The following AMMECR1 variants were observed in gnomAD, a reference collection of about 807,000 sequenced individuals.
AMMECR1 encodes nuclear protein AMMECR1.
Under a neutral mutation model 22.5 loss-of-function variants are expected in AMMECR1, and 3 were observed. The observed-to-expected ratio is 0.13, with a 90% CI of 0.06 to 0.35. The LOEUF is 0.35. Among genes scored for constraint, AMMECR1 ranks in the 10% least tolerant of loss-of-function variants. AMMECR1 has a pLI of 1.00. For synonymous variants in AMMECR1, 130 were observed against 116.7 expected, an observed-to-expected ratio of 1.11 and a Z score of -0.74; for missense variants, 235 against 278.7, an observed-to-expected ratio of 0.84 and a Z score of 1.12.
rs142566304 is a variant in AMMECR1 at position 110,276,263 on chromosome X, C to T, written c.474-11664G>A. 1.9e-3 allele frequency among the ~76,000 whole-genome samples: 216 copies of T among 111,978 alleles called. 1 individual carries two copies. The highest frequency in any genetic ancestry group is 6.7e-3 in the African/African-American group (208 of 30,869). ...TATATGTCTTTCACTTCTTTACTCA[C>T]TATATTCATGTTTTCCTTTCAATCC... On this transcript the variant is annotated intron_variant, in intron 1 of 5. Transcript: ENST00000262844.
intron 2 of AMMECR1, among the ~76,000 whole-genome samples, chrX:110,420,542 G>A (rs1306320772): frequency 8.9e-6 from 1 of 112,111 alleles, no homozygotes; most frequent in Non-Finnish European, 1.9e-5. Flanking sequence ...GCTTGATCCA[G>A]AAGGTTTCAT....
Position 110,197,886 on chromosome X carries a change from A to G in AMMECR1, c.*634T>C, listed in dbSNP as rs1272804527. 8.9e-6 allele frequency: 1 copy of G among 112,195 alleles called. No individual in the cohort carries two copies. Among genetic ancestry groups the G allele is most frequent in the Non-Finnish European group, 1.9e-5 (1 of 53,187 alleles). 9.2% of individuals were successfully genotyped at this position (112,195 alleles called of 1,213,427 possible). A position where few individuals can be genotyped will look rare whatever the true frequency, so the allele number is the denominator to read the frequency against. On this transcript the variant is annotated 3_prime_UTR_variant, in exon 6 of 6. Coordinates refer to ENST00000262844, the MANE Select transcript of AMMECR1 (RefSeq NM_015365.3). Reference sequence around the variant, plus strand: ...TTTGAATGCTCACTACTAGAACTAAAGTTCATGTATTTTCACCATGGGAAA... The same window carrying G: ...TTTGAATGCTCACTACTAGAACTAAGGTTCATGTATTTTCACCATGGGAAA...
intron 2 of AMMECR1, among the ~76,000 whole-genome samples, chrX:110,334,017 G>A (rs760154576): frequency 2.1e-4 from 23 of 111,471 alleles, no homozygotes; most frequent in Non-Finnish European, 4.1e-4. Context: ...GTTGTTGTCT[G>A]GTAGGAGTTC....
At chrX:110,315,949 T>G (rs944726103) in intron 1 of AMMECR1, among the ~76,000 whole-genome samples, 23 of 112,792 alleles carry the variant, frequency 2.0e-4, no homozygotes, top group Admixed American at 9.4e-5. Context: ...AAATGAATTT[T>G]ACTTCTTAAC....
chrX:110,383,761 A>G (rs2068436018), intron 2 of AMMECR1, among the ~76,000 whole-genome samples: 1 of 111,888 alleles, frequency 8.9e-6, no homozygotes. Context: ...GATAGAATTA[A>G]TTAATCGTCC....
chrX:110,223,311 T>C, intron 2 of AMMECR1, among the ~76,000 whole-genome samples: 2 of 112,686 alleles, frequency 1.8e-5, no homozygotes, highest in Middle Eastern at 4.6e-3. Context: ...TTTGTTTAAA[T>C]TATGTTTTTC....
chrX:110,286,293 T>C (rs978370433), intron 1 of AMMECR1, among the ~76,000 whole-genome samples: 5 of 111,413 alleles, frequency 4.5e-5, no homozygotes, highest in African/African-American at 9.8e-5. Flanking sequence ...AAGAACTGCA[T>C]AGAGTTTCAC....
intron 2 of AMMECR1, among the ~76,000 whole-genome samples, chrX:110,407,218 T>C (rs2068608977): frequency 1.8e-5 from 2 of 112,375 alleles, no homozygotes; most frequent in African/African-American, 6.5e-5. Context: ...AAAGATTTTC[T>C]TTGTGGAATG....
intron 1 of AMMECR1, among the ~76,000 whole-genome samples, chrX:110,286,016 A>G (rs1172234878): frequency 1.8e-5 from 2 of 112,145 alleles, no homozygotes; most frequent in South Asian, 7.5e-4. Flanking sequence ...TGGGAGCAAA[A>G]TCAGAGACTG....
chrX:110,367,973 AATTATTATTATTATTATT>A (rs201193443), intron 2 of AMMECR1, among the ~76,000 whole-genome samples: 6 of 85,326 alleles, frequency 7.0e-5, no homozygotes, highest in South Asian at 6.2e-4. Context: ...AGTGCTGGCT[AATTATTATTATTATTATT>A]ATTATTATTA....
intron 2 of AMMECR1, among the ~76,000 whole-genome samples, chrX:110,357,576 A>G (rs747761776): frequency 1.8e-5 from 2 of 112,232 alleles, no homozygotes; most frequent in Non-Finnish European, 3.8e-5. Flanking sequence ...TTTAAATAGT[A>G]TTAGATCTTT....
chrX:110,295,568 G>A (rs1198995703), intron 1 of AMMECR1, among the ~76,000 whole-genome samples: 1 of 111,667 alleles, frequency 9.0e-6, no homozygotes, highest in African/African-American at 3.2e-5. Flanking sequence ...CAATATACTT[G>A]TACATGTTTA....
At chrX:110,343,877 A>G (rs1156673387) in intron 2 of AMMECR1, among the ~76,000 whole-genome samples, 1 of 111,781 alleles carries the variant, frequency 8.9e-6, no homozygotes, top group Non-Finnish European at 1.9e-5. Context: ...TTCCATGCTC[A>G]TGGGTAGGAA....
chrX:110,295,944 T>G (rs1285008629), intron 1 of AMMECR1, among the ~76,000 whole-genome samples: 2 of 111,959 alleles, frequency 1.8e-5, no homozygotes, highest in African/African-American at 6.5e-5. Flanking sequence ...TCAAATCAGA[T>G]AGAAGAGTTA....
intron 2 of AMMECR1, chrX:110,219,276 A>G (rs2067489235): frequency 1.7e-6 from 1 of 600,877 alleles, no homozygotes; most frequent in Admixed American, 8.9e-5. Flanking sequence ...TATGAGTTCC[A>G]GTTTCTCCAC....
chrX:110,322,680 C>T (rs186441099), upstream of AMMECR1, among the ~76,000 whole-genome samples: 19 of 111,800 alleles, frequency 1.7e-4, no homozygotes, highest in African/African-American at 6.2e-4. Flanking sequence ...TACAAACTCA[C>T]TCATGGCACC....
intron 1 of AMMECR1, among the ~76,000 whole-genome samples, chrX:110,291,770 T>C (rs1440230609): frequency 1.8e-5 from 2 of 112,174 alleles, no homozygotes; most frequent in Non-Finnish European, 3.8e-5. Context: ...GGTTATATTC[T>C]AGTTTCCCAA....
chrX:110,346,491 T>C (rs2068189508), intron 2 of AMMECR1, among the ~76,000 whole-genome samples: 1 of 112,574 alleles, frequency 8.9e-6, no homozygotes, highest in African/African-American at 3.2e-5. Flanking sequence ...TATTGTATGC[T>C]GCTGCCAATG....
intron 1 of AMMECR1, among the ~76,000 whole-genome samples, chrX:110,429,549 C>G (rs902438714): frequency 7.7e-5 from 8 of 104,296 alleles, no homozygotes; most frequent in African/African-American, 2.5e-4. Flanking sequence ...GGCATGCAAT[C>G]TCGGCTCACT....
Sources: allele counts gnomAD v4.1 joint callset (sites outside exome capture counted in the v4.1 genomes callset), GRCh38; gene constraint gnomAD v4.1.1; transcripts MANE v1.5; gene names NCBI Gene and HGNC (gene_info 2026-07-23, HGNC 2026-07-21).